The following VMA22 variants were observed in gnomAD, a reference collection of about 807,000 sequenced individuals.
VMA22 encodes the protein vacuolar ATPase assembly factor VMA22.
At chr2:130,342,127 GAC>G in the VMA22 span, 6 of 1,613,502 alleles carry the variant, frequency 3.7e-6, no homozygotes, top group Non-Finnish European at 4.2e-6. Flanking sequence ...CGCCGCCATG[GAC>G]ACACCTCCAG....
At chr2:130,340,785 T>A in the VMA22 span, 1 of 1,230,322 alleles carries the variant, frequency 8.1e-7, no homozygotes, top group Non-Finnish European at 1.2e-6. Context: ...CAACGGAAGT[T>A]TGGATGGAGG....
chr2:130,341,923 C>T, the VMA22 span: 2 of 1,613,410 alleles, frequency 1.2e-6, no homozygotes, highest in African/African-American at 1.3e-5. Context: ...GCGTAGCGAG[C>T]CTTGGCGAGC....
At chr2:130,341,748 C>A in the VMA22 span, 6 of 1,611,078 alleles carry the variant, frequency 3.7e-6, no homozygotes, top group Admixed American at 1.7e-5. Context: ...TCCTGGGCCT[C>A]GCTGAAGGAC....
At chr2:130,339,161 G>A in the VMA22 span, 3 of 1,614,148 alleles carry the variant, frequency 1.9e-6, no homozygotes, top group Non-Finnish European at 2.5e-6. Flanking sequence ...TTCTCTTGGA[G>A]TCCCCGGAGC....
the VMA22 span, chr2:130,342,135 T>G: frequency 1.9e-6 from 3 of 1,612,838 alleles, no homozygotes; most frequent in African/African-American, 1.3e-5. Flanking sequence ...TGGACACACC[T>G]CCAGATCTGG....
the VMA22 span, chr2:130,338,917 C>T: frequency 1.8e-6 from 1 of 570,202 alleles, no homozygotes; most frequent in Non-Finnish European, 3.2e-6. Flanking sequence ...AGAATGGTTT[C>T]AAAGTAGTGG....
the VMA22 span, chr2:130,341,104 A>G: frequency 6.7e-7 from 1 of 1,483,290 alleles, no homozygotes; most frequent in Non-Finnish European, 8.9e-7. Flanking sequence ...CTTGGTGACA[A>G]TGTTGAGCTT....
At chr2:130,339,563 C>T in the VMA22 span, 3 of 1,281,022 alleles carry the variant, frequency 2.3e-6, no homozygotes, top group Non-Finnish European at 3.1e-6. Flanking sequence ...CCCTCACCTG[C>T]TCTCCCTCCA....
chr2:130,342,289 G>C, the VMA22 span: 2 of 1,389,342 alleles, frequency 1.4e-6, no homozygotes, highest in Non-Finnish European at 1.9e-6. Context: ...AAGGGCAAGC[G>C]CCCTTAGAGA....
At chr2:130,341,171 T>A in the VMA22 span, 2 of 1,121,516 alleles carry the variant, frequency 1.8e-6, no homozygotes, top group Middle Eastern at 5.8e-4. Flanking sequence ...AACTTTGGGG[T>A]TCCAGGAAAC....
the VMA22 span, chr2:130,340,505 C>A: frequency 3.6e-6 from 1 of 280,226 alleles, no homozygotes; most frequent in Non-Finnish European, 7.0e-6. Flanking sequence ...GCACTGTTCC[C>A]CAAAATCACC....
the VMA22 span, chr2:130,338,515 A>G: frequency 2.0e-5 from 3 of 152,238 alleles, no homozygotes; most frequent in African/African-American, 4.8e-5. Flanking sequence ...CAAAAAAATG[A>G]AGAGAGGCTC....
chr2:130,342,556 G>A, the VMA22 span: 1 of 462,786 alleles, frequency 2.2e-6, no homozygotes, highest in East Asian at 3.4e-5. Context: ...GGTTTTTACA[G>A]TTGAACTGTT....
chr2:130,341,049 GA>G, the VMA22 span: 2 of 1,593,588 alleles, frequency 1.3e-6, no homozygotes, highest in Non-Finnish European at 1.7e-6. Context: ...CCTGAGGAAA[GA>G]AAGGTTGGAG....
chr2:130,340,703 T>C, the VMA22 span: 2 of 611,592 alleles, frequency 3.3e-6, no homozygotes, highest in African/African-American at 3.7e-5. Flanking sequence ...CCCTGCTGTA[T>C]CCCCAGCAGC....
the VMA22 span, chr2:130,340,009 G>C: frequency 5.8e-6 from 2 of 346,158 alleles, no homozygotes; most frequent in Non-Finnish European, 1.1e-5. Context: ...CTCTCCAGCA[G>C]GGCGTCGGTG....
chr2:130,341,740 C>T, the VMA22 span: 1 of 1,611,396 alleles, frequency 6.2e-7, no homozygotes, highest in Non-Finnish European at 8.5e-7. Context: ...GGAGTCCCTC[C>T]TGGGCCTCGC....
At chr2:130,342,145 G>A in the VMA22 span, 2 of 1,612,514 alleles carry the variant, frequency 1.2e-6, no homozygotes, top group Non-Finnish European at 1.7e-6. Context: ...TCCAGATCTG[G>A]AGCCACCTTC....
chr2:130,340,930 C>T, the VMA22 span: 4 of 1,614,110 alleles, frequency 2.5e-6, no homozygotes, highest in Middle Eastern at 1.7e-4. Context: ...TTGCTTGAGC[C>T]TGACGTAGAC....
Sources: allele counts gnomAD v4.1 joint callset, GRCh38; gene constraint gnomAD v4.1.1; transcripts MANE v1.5; gene names NCBI Gene and HGNC (gene_info 2026-07-23, HGNC 2026-07-21).